WDR75: variants seen among roughly 807,000 people sequenced by gnomAD.
WDR75 encodes the protein WD repeat domain 75, also known as WD repeat-containing protein 75.
In WDR75, 52 loss-of-function variants were observed where a neutral mutation model predicts 106.1. That is an observed-to-expected ratio of 0.49 (90% CI 0.39 to 0.62). WDR75 has a LOEUF of 0.62. Ranked by LOEUF, WDR75 falls within the 20% of genes least tolerant of loss-of-function variation. The pLI is 0.00. For synonymous variants in WDR75, 333 were observed against 335.5 expected, an observed-to-expected ratio of 0.99 and a Z score of 0.08; for missense variants, 905 against 970.3, an observed-to-expected ratio of 0.93 and a Z score of 0.89.
intron 8 of WDR75, among the ~76,000 whole-genome samples, chr2:189,459,693 A>G (rs1186732783): frequency 6.6e-6 from 1 of 152,238 alleles, no homozygotes; most frequent in African/African-American, 2.4e-5. Flanking sequence ...TTGAAGGTAT[A>G]TCTGTCTACA....
chr2:189,455,427 A>G lies in WDR75; in HGVS notation c.481A>G (p.Ile161Val), dbSNP rs1412222900. 2 of 1,606,842 alleles carry G rather than the reference A, an allele frequency of 1.2e-6. No homozygotes were observed. The highest frequency in any genetic ancestry group is 1.7e-6 in the Non-Finnish European group (2 of 1,177,554). Residue 161 changes from isoleucine (I) to valine (V), a missense_variant, in exon 5 of 21, where the codon ATT becomes GTT. By Grantham distance (29) the Ile-to-Val change is conservative. Coordinates refer to ENST00000314761, the MANE Select transcript of WDR75 (RefSeq NM_032168.3). ...LDYINQSPKC[I>V]AFGNEGVYVA... ...TTACATAAACCAGTCACCCAAGTGC[A>G]TTGCCTTTGGAAACGAGGTAAATTT...
intron 6 of WDR75, among the ~76,000 whole-genome samples, chr2:189,458,123 A>T (rs973297746): frequency 2.6e-5 from 4 of 152,056 alleles, no homozygotes; most frequent in African/African-American, 9.7e-5. Flanking sequence ...GGGTTTCACC[A>T]TATTGGTCAG....
chr2:189,441,687 C>T, intron 1 of WDR75, 109 bp downstream of exon 1: 2 of 1,295,310 alleles, frequency 1.5e-6, no homozygotes, highest in Non-Finnish European at 2.2e-6. Context: ...TGGCGGATAT[C>T]GGCTTTGGGT....
chr2:189,454,679 G>A (rs949213073), intron 4 of WDR75, among the ~76,000 whole-genome samples: 15 of 151,866 alleles, frequency 9.9e-5, no homozygotes, highest in African/African-American at 3.6e-4. Context: ...CCACCACCAC[G>A]CCTGGCTAAT....
intron 2 of WDR75, 61 bp from the exon 3 acceptor site, chr2:189,450,842 A>T (rs1686603104): frequency 6.3e-7 from 1 of 1,594,604 alleles, no homozygotes; most frequent in African/African-American, 1.4e-5. Context: ...TTAATTATTC[A>T]TTTGATATCT....
chr2:189,461,984 T>G (rs1456254130), intron 8 of WDR75, among the ~76,000 whole-genome samples: 2 of 152,214 alleles, frequency 1.3e-5, no homozygotes, highest in Admixed American at 6.5e-5. Context: ...ATAATCATGG[T>G]GTTTTCCTTT....
At chr2:189,469,911 TAG>T (rs1687082989) in intron 16 of WDR75, among the ~76,000 whole-genome samples, 163 bp from the exon 17 acceptor site, 4 of 152,182 alleles carry the variant, frequency 2.6e-5, no homozygotes, top group Non-Finnish European at 4.4e-5. Context: ...GCCTGGCCCA[TAG>T]TAGGAACACA....
intron 1 of WDR75, among the ~76,000 whole-genome samples, chr2:189,445,315 AC>A (rs1348632350): frequency 1.3e-5 from 2 of 152,202 alleles, no homozygotes; most frequent in African/African-American, 4.8e-5. Context: ...ACAGTGTCTC[AC>A]CTCAAAGACT....
chr2:189,458,642 T>C, intron 6 of WDR75, 111 bp from the exon 7 acceptor site: 1 of 880,236 alleles, frequency 1.1e-6, no homozygotes, highest in Admixed American at 3.9e-5. Context: ...TATTGAATTC[T>C]GAGCTCTACA....
intron 7 of WDR75, 133 bp downstream of exon 7, chr2:189,459,005 C>A: frequency 8.5e-7 from 1 of 1,170,542 alleles, no homozygotes; most frequent in Non-Finnish European, 1.2e-6. Context: ...TTCATACTTA[C>A]TGTTTTAGAA....
rs1031174596 is a variant in WDR75 at position 189,468,032 on chromosome 2, G to A, written c.1628+384G>A. On this transcript the variant is annotated intron_variant, in intron 14 of 20. Coordinates refer to ENST00000314761, the MANE Select transcript of WDR75 (RefSeq NM_032168.3). ...GGGGAAAGTAGCAGCAGCATTTTCA[G>A]GTCCTGCTTCAGGTAGTTGGGCCTG... Among the ~76,000 whole-genome samples, 5 of 152,134 alleles carry A rather than the reference G, an allele frequency of 3.3e-5. No homozygotes were observed. The South Asian group carries it at 1.0e-3, about 31-fold the overall frequency.
Position 189,459,742 on chromosome 2 carries a change from G to A in WDR75, c.778+318G>A, listed in dbSNP as rs140486015. Among the ~76,000 whole-genome samples, 582 of 152,224 alleles carry A rather than the reference G, an allele frequency of 3.8e-3. 6 individuals are homozygous for A. The highest frequency in any genetic ancestry group is 0.013 in the African/African-American group (543 of 41,534). On this transcript the variant is annotated intron_variant, in intron 8 of 20. Transcript: ENST00000314761. ...GTGGTCCATAACTGTAGCTTATCAG[G>A]TGCAAGTAACTATTCTAACACTACA...
chr2:189,442,943 T>C (rs931421336), intron 1 of WDR75, among the ~76,000 whole-genome samples: 1 of 152,230 alleles, frequency 6.6e-6, no homozygotes, highest in African/African-American at 2.4e-5. Flanking sequence ...TTCGGACTCA[T>C]ATCCATGTAA....
chr2:189,451,903 A>G lies in WDR75; in HGVS notation c.373+8A>G, dbSNP rs1374053435. On this transcript the variant is annotated splice_region_variant and intron_variant, in intron 4 of 20. Coordinates refer to ENST00000314761, the MANE Select transcript of WDR75 (RefSeq NM_032168.3). ...TGAATAAAGAAAAACCAGGTATGGT[A>G]TAATTAACTTACTATATATGGCATT... The G allele has an allele frequency of 1.2e-6, 2 of 1,601,436 alleles. No individual in the cohort carries two copies. The highest frequency in any genetic ancestry group is 2.2e-5 in the East Asian group (1 of 44,756).
At chr2:189,448,291 G>A (rs1335081193) in intron 1 of WDR75, 88 bp from the exon 2 acceptor site, 1 of 1,401,754 alleles carries the variant, frequency 7.1e-7, no homozygotes, top group Non-Finnish European at 9.5e-7. Flanking sequence ...CAAGACCACT[G>A]AAACAATGAT....
At chr2:189,474,841 C>G (rs749352546) in intron 20 of WDR75, 33 bp downstream of exon 20, 23 of 1,531,114 alleles carry the variant, frequency 1.5e-5, no homozygotes, top group African/African-American at 9.6e-5. Context: ...TTTGGACACT[C>G]TCTTTTGGGA....
At chr2:189,449,201 G>T (rs1475130617) in intron 2 of WDR75, 9 of 1,265,788 alleles carry the variant, frequency 7.1e-6, no homozygotes, top group Non-Finnish European at 8.3e-6. Flanking sequence ...ACAATATTTT[G>T]TTCTTGCTCT....
At chr2:189,446,236 G>A (rs1686496611) in intron 1 of WDR75, among the ~76,000 whole-genome samples, 1 of 152,180 alleles carries the variant, frequency 6.6e-6, no homozygotes, top group Admixed American at 6.5e-5. Flanking sequence ...AAGTCAGAGG[G>A]AAAACAGTGA....
At chr2:189,450,717 T>C in intron 2 of WDR75, 186 bp from the exon 3 acceptor site, 2 of 1,398,994 alleles carry the variant, frequency 1.4e-6, no homozygotes, top group Non-Finnish European at 1.8e-6. Flanking sequence ...TGGATGGATC[T>C]GCTTCTTGCA....
Sources: gnomAD v4.1 joint callset for allele counts (sites outside exome capture counted in the v4.1 genomes callset) on GRCh38, gnomAD v4.1.1 for gene constraint, MANE v1.5 for transcripts, NCBI Gene and HGNC (gene_info 2026-07-23, HGNC 2026-07-21) for gene names.